The following HDGFL3 variants were observed in gnomAD, a reference collection of about 807,000 sequenced individuals.
The protein encoded by HDGFL3 is hepatoma-derived growth factor-related protein 3.
HDGFL3 carries 6 observed loss-of-function variants against 27.6 expected under a neutral mutation model. That is an observed-to-expected ratio of 0.22 (90% CI 0.12 to 0.43). The LOEUF is 0.43. HDGFL3 is among the 20% of genes least tolerant of loss of function. The pLI is 1.00. For missense variants in HDGFL3, 207 were observed against 250.1 expected, an observed-to-expected ratio of 0.83 and a Z score of 1.16; for synonymous variants, 88 against 88.9, an observed-to-expected ratio of 0.99 and a Z score of 0.05.
At chr15:83,159,989 C>T (rs555313905) in intron 2 of HDGFL3, among the ~76,000 whole-genome samples, 4 of 152,270 alleles carry the variant, frequency 2.6e-5, no homozygotes, top group Non-Finnish European at 5.9e-5. Context: ...AGACTGAAGA[C>T]TTAGTTACTA....
rs761058737 is a variant in HDGFL3, at chr15:83,157,587, A to T, written c.301-14T>A. On this transcript the variant is annotated splice_polypyrimidine_tract_variant and intron_variant, in intron 3 of 5. Transcript: ENST00000299633. ...TTGCTGAATTGCCTAAGAAATAATA[A>T]AATATTAGCTGATTACATTTTTGAA... is the stretch of plus-strand genomic sequence containing the variant. The T allele has an allele frequency of 1.2e-6, 2 of 1,600,586 alleles. No homozygotes were observed. Among genetic ancestry groups the T allele is most frequent in the South Asian group, 2.3e-5 (2 of 88,174 alleles).
chr15:83,207,700 GCCGC>G lies in HDGFL3; in HGVS notation c.-290_-287del. ...CAAGGTCCCCGCCGCCGCCGCCGCC[GCCGC>G]CGCGCGCGCTGCTCACCAGCGCCGC... On this transcript the variant is annotated 5_prime_UTR_variant, in exon 1 of 6. Coordinates refer to ENST00000299633, the MANE Select transcript of HDGFL3 (RefSeq NM_016073.4). This position sits in a 1 kb window ranked among gnomAD's most constrained non-coding sequence, Gnocchi z 4.8. 6.5e-6 allele frequency: 1 copy of G among 152,918 alleles called. No individual in the cohort carries two copies. The highest frequency in any genetic ancestry group is 6.7e-5 in the Admixed American group (1 of 14,820). The allele number at this position is 152,918 out of a possible 1,614,324, so 9.5% of individuals were successfully genotyped here.
At chr15:83,187,429 T>C (rs2037458291) in intron 1 of HDGFL3, among the ~76,000 whole-genome samples, 1 of 152,148 alleles carries the variant, frequency 6.6e-6, no homozygotes, top group South Asian at 2.1e-4. Flanking sequence ...TCATACTTTA[T>C]AAAATTCTCT....
downstream of HDGFL3, among the ~76,000 whole-genome samples, chr15:83,124,188 G>A (rs183061452): frequency 1.0e-3 from 159 of 152,170 alleles, no homozygotes; most frequent in Non-Finnish European, 1.8e-3. Flanking sequence ...CAGATGTTGA[G>A]AGCAAAAAGA....
Position 83,188,109 on chromosome 15 carries a change from T to A in HDGFL3, c.84+19222A>T, listed in dbSNP as rs143661486. ...ACTTCCCTTCCAATCTTTGACAGCA[T>A]TAGACATTATTGCTCTTTTAAATTT... On this transcript the variant is annotated intron_variant, in intron 1 of 5. Coordinates refer to ENST00000299633, the MANE Select transcript of HDGFL3 (RefSeq NM_016073.4). Among the ~76,000 whole-genome samples the A allele has an allele frequency of 3.2e-3, 481 of 152,332 alleles. 1 individual carries two copies. Among genetic ancestry groups the A allele is most frequent in the African/African-American group, 0.011 (464 of 41,560 alleles).
chr15:83,140,146 A>T (rs558747260), intron 5 of HDGFL3, among the ~76,000 whole-genome samples: 1 of 152,330 alleles, frequency 6.6e-6, no homozygotes, highest in African/African-American at 2.4e-5. Flanking sequence ...GTTCTCATTC[A>T]GACAGCCCAA....
At chr15:83,188,559 T>C (rs1393530474) in intron 1 of HDGFL3, among the ~76,000 whole-genome samples, 1 of 152,232 alleles carries the variant, frequency 6.6e-6, no homozygotes, top group Admixed American at 6.5e-5. Context: ...ATGTATAATA[T>C]ACTCATCTGA....
chr15:83,139,290 A>AG lies in HDGFL3; in HGVS notation c.607-16_607-15insC. Reference sequence around the variant, plus strand: ...GGTAGTTAGGTCTGTAAAAAAAAAAAAAAGAAAGAAAACAAGCCTTTAGAT... The same window carrying AG: ...GGTAGTTAGGTCTGTAAAAAAAAAAAGAAAGAAAGAAAACAAGCCTTTAGAT... On this transcript the variant is annotated splice_polypyrimidine_tract_variant and intron_variant, in intron 5 of 5. Transcript: ENST00000299633. 1.4e-6 allele frequency: 2 copies of AG among 1,422,538 alleles called. No individual in the cohort carries two copies. Among genetic ancestry groups the AG allele is most frequent in the South Asian group, 1.4e-5 (1 of 70,326 alleles). 88.1% of individuals were successfully genotyped at this position (1,422,538 alleles called of 1,614,324 possible).
At chr15:83,178,721 G>C (rs1382042326) in intron 1 of HDGFL3, among the ~76,000 whole-genome samples, 7 of 152,086 alleles carry the variant, frequency 4.6e-5, no homozygotes, top group East Asian at 1.9e-4. Flanking sequence ...TAGAAAAATT[G>C]GGTTACCATT....
intron 1 of HDGFL3, among the ~76,000 whole-genome samples, chr15:83,187,320 A>AAATCTT (rs1567175894): frequency 1.3e-5 from 2 of 152,038 alleles, no homozygotes; most frequent in African/African-American, 4.8e-5. Flanking sequence ...TACAAATGTT[A>AAATCTT]CACGGGCAGA....
intron 1 of HDGFL3, among the ~76,000 whole-genome samples, chr15:83,191,460 A>G (rs1212363656): frequency 6.6e-6 from 1 of 152,220 alleles, no homozygotes; most frequent in African/African-American, 2.4e-5. Flanking sequence ...CAATATTCTA[A>G]GATGTCAATT....
intron 5 of HDGFL3, among the ~76,000 whole-genome samples, chr15:83,141,890 CAG>C (rs2036778607): frequency 6.6e-6 from 1 of 152,198 alleles, no homozygotes; most frequent in Non-Finnish European, 1.5e-5. Context: ...GAAAGCTATT[CAG>C]AGCGCTAGAC....
At chr15:83,121,072 CT>C (rs956601872) in intron 3 of HDGFL3, among the ~76,000 whole-genome samples, 79 of 146,854 alleles carry the variant, frequency 5.4e-4, no homozygotes, top group African/African-American at 6.7e-4. Context: ...ATTGAAGGAA[CT>C]TTTTTTTTTT....
At position 83,128,977 on chromosome 15, in the gene HDGFL3, T is replaced by C. The variant is rs1191614907; in HGVS notation, c.*10293A>G. ...TCCAGAGTAGCTGGGACTACAGACA[T>C]ACACCACCGCACACAGCTAATTTTT... On this transcript the variant is annotated 3_prime_UTR_variant, in exon 6 of 6. Coordinates refer to ENST00000299633, the MANE Select transcript of HDGFL3 (RefSeq NM_016073.4). 6.6e-6 allele frequency: 1 copy of C among 152,146 alleles called. No homozygotes were observed. Among genetic ancestry groups the C allele is most frequent in the Non-Finnish European group, 1.5e-5 (1 of 68,062 alleles). The allele number at this position is 152,146 out of a possible 1,614,324, so 9.4% of individuals were successfully genotyped here.
intron 2 of HDGFL3, among the ~76,000 whole-genome samples, chr15:83,162,432 G>A (rs1277027987): frequency 6.6e-6 from 1 of 152,016 alleles, no homozygotes; most frequent in Non-Finnish European, 1.5e-5. Context: ...ATTTGGAGAT[G>A]GGTTCTAAAA....
rs572981330 is a variant in HDGFL3 at position 83,167,668 on chromosome 15, C to G, written c.85-3593G>C. 3.9e-5 allele frequency among the ~76,000 whole-genome samples: 6 copies of G among 152,168 alleles called. No homozygotes were observed. The South Asian group carries it at 8.3e-4, about 21-fold the overall frequency. ...ATGTACATGCCCAACATTGGAGCAC[C>G]CAGATTCGTAAAATAAGTACTTCCA... On this transcript the variant is annotated intron_variant, in intron 1 of 5. Coordinates refer to ENST00000299633, the MANE Select transcript of HDGFL3 (RefSeq NM_016073.4).
chr15:83,121,254 G>A (rs965314425), intron 3 of HDGFL3, among the ~76,000 whole-genome samples: 2 of 86,942 alleles, frequency 2.3e-5, no homozygotes, highest in Non-Finnish European at 4.9e-5. Context: ...TTTTTTTTTT[G>A]TACTTTTAGT....
Position 83,119,610 on chromosome 15 carries a change from C to T in HDGFL3, c.394-3869G>A, listed in dbSNP as rs1428838717. 5 of 1,614,094 alleles carry T rather than the reference C, an allele frequency of 3.1e-6. No homozygotes were observed. In the Admixed American group the frequency reaches 6.7e-5, roughly 22 times the overall value. ...CGTATCTGAACACCGCATATGGGCA[C>T]ATGATCTGCTACTGGGATGGCTCTG... On this transcript the variant is annotated intron_variant, in intron 3 of 3. Transcript: ENST00000568294.
At chr15:83,124,547 G>T, downstream of HDGFL3, 1 of 701,218 alleles carries the variant, frequency 1.4e-6, no homozygotes, top group South Asian at 1.9e-5. Context: ...CATGGCCAGT[G>T]ATTTATGATA....
Sources: gnomAD v4.1 joint callset for allele counts (sites outside exome capture counted in the v4.1 genomes callset) on GRCh38, gnomAD v4.1.1 for gene constraint, Gnocchi (gnomAD v3.1) non-coding constraint, MANE v1.5 for transcripts, NCBI Gene and HGNC (gene_info 2026-07-23, HGNC 2026-07-21) for gene names.